The following SYNDIG1 variants were observed in gnomAD, a reference collection of about 807,000 sequenced individuals.
The protein encoded by SYNDIG1 is synapse differentiation inducing 1, also known as synapse differentiation-inducing gene protein 1.
SYNDIG1 carries 9 observed loss-of-function variants against 19.4 expected under a neutral mutation model. That is an observed-to-expected ratio of 0.46 (90% confidence interval 0.28 to 0.81). The LOEUF is 0.81. Ranked by LOEUF, SYNDIG1 falls within the 30% of genes least tolerant of loss-of-function variation. The pLI, the probability that SYNDIG1 is intolerant of heterozygous loss-of-function variation, is 0.12. For synonymous variants in SYNDIG1, 141 were observed against 145.9 expected, an observed-to-expected ratio of 0.97 and a Z score of 0.24; for missense variants, 311 against 343.3, an observed-to-expected ratio of 0.91 and a Z score of 0.74.
chr20:24,649,217 G>A lies in SYNDIG1; in HGVS notation c.619-16129G>A, dbSNP rs540127589. ...CAGGGTGCCCTACAGCTGAAGGGGAGCCACCTGGAAGTAACAGTTCTGCTT... is the reference window on the plus strand; with the variant it reads ...CAGGGTGCCCTACAGCTGAAGGGGAACCACCTGGAAGTAACAGTTCTGCTT... On this transcript the variant is annotated intron_variant, in intron 3 of 3. Transcript: ENST00000376862. Among the ~76,000 whole-genome samples, 12 of 152,330 alleles carry A rather than the reference G, an allele frequency of 7.9e-5. No individual in the cohort carries two copies. The East Asian group carries it at 2.3e-3, about 29-fold the overall frequency.
chr20:24,492,261 T>C (rs1471965119), intron 1 of SYNDIG1, among the ~76,000 whole-genome samples: 1 of 152,184 alleles, frequency 6.6e-6, no homozygotes, highest in Non-Finnish European at 1.5e-5. Context: ...CTCTGCCAAG[T>C]AGCCACAGTG....
intron 2 of SYNDIG1, among the ~76,000 whole-genome samples, chr20:24,574,754 A>C (rs1340267668): frequency 6.6e-6 from 1 of 152,212 alleles, no homozygotes; most frequent in East Asian, 1.9e-4. Flanking sequence ...ATAAAACCTG[A>C]AGTCCAGTGT....
chr20:24,517,450 C>T (rs1300374615), intron 1 of SYNDIG1, among the ~76,000 whole-genome samples: 2 of 149,926 alleles, frequency 1.3e-5, no homozygotes, highest in African/African-American at 2.4e-5. Flanking sequence ...CCCATCTCTA[C>T]TAAAAATACA....
intron 1 of SYNDIG1, among the ~76,000 whole-genome samples, chr20:24,479,129 G>T (rs1463293741): frequency 6.6e-6 from 1 of 152,192 alleles, no homozygotes; most frequent in Non-Finnish European, 1.5e-5. Context: ...ATAAGACTAA[G>T]TTGGTGCCTA....
chr20:24,655,063 G>C (rs2059511466), intron 3 of SYNDIG1, among the ~76,000 whole-genome samples: 1 of 152,174 alleles, frequency 6.6e-6, no homozygotes, highest in Non-Finnish European at 1.5e-5. Context: ...AAGGCCTGGG[G>C]TCTAGGAAAC....
chr20:24,578,475 G>GA (rs1158652648), intron 2 of SYNDIG1, among the ~76,000 whole-genome samples: 4 of 150,084 alleles, frequency 2.7e-5, no homozygotes, highest in East Asian at 2.0e-4. Context: ...AAAAAGAAAA[G>GA]AAAAAAAAAG....
chr20:24,553,328 G>C (rs1298389653), intron 2 of SYNDIG1, among the ~76,000 whole-genome samples: 1 of 152,132 alleles, frequency 6.6e-6, no homozygotes, highest in Non-Finnish European at 1.5e-5. Context: ...GATCCCATTT[G>C]TCAATTTTGG....
intron 2 of SYNDIG1, among the ~76,000 whole-genome samples, chr20:24,552,099 C>A (rs991154589): frequency 6.6e-6 from 1 of 152,046 alleles, no homozygotes; most frequent in African/African-American, 2.4e-5. Context: ...CTATTTCTTT[C>A]TTTTATTTTG....
intron 3 of SYNDIG1, among the ~76,000 whole-genome samples, chr20:24,620,130 T>C (rs1317184099): frequency 6.6e-6 from 1 of 152,214 alleles, no homozygotes; most frequent in Non-Finnish European, 1.5e-5. Flanking sequence ...TAAAGGAAAG[T>C]ATTTTATACA....
intron 3 of SYNDIG1, among the ~76,000 whole-genome samples, chr20:24,608,459 G>A (rs1314106549): frequency 4.6e-5 from 7 of 152,068 alleles, no homozygotes; most frequent in African/African-American, 7.2e-5. Context: ...GATTACAAGC[G>A]TGAGTCACCG....
At chr20:24,604,287 C>T (rs565276066) in intron 3 of SYNDIG1, among the ~76,000 whole-genome samples, 10 of 152,164 alleles carry the variant, frequency 6.6e-5, no homozygotes, top group South Asian at 6.2e-4. Context: ...GTTAAGGTAA[C>T]GCTGAGACCT....
At chr20:24,611,754 C>T (rs2058852151) in intron 3 of SYNDIG1, among the ~76,000 whole-genome samples, 1 of 152,218 alleles carries the variant, frequency 6.6e-6, no homozygotes, top group South Asian at 2.1e-4. Context: ...TGCAGCATGG[C>T]TCTGCTGTTC....
chr20:24,619,569 A>T (rs2059005119), intron 3 of SYNDIG1, among the ~76,000 whole-genome samples: 1 of 152,236 alleles, frequency 6.6e-6, no homozygotes, highest in South Asian at 2.1e-4. Context: ...TGTGACATAA[A>T]CAAGAGCATG....
chr20:24,624,331 G>A (rs1215790198), intron 3 of SYNDIG1, among the ~76,000 whole-genome samples: 3 of 151,562 alleles, frequency 2.0e-5, no homozygotes, highest in African/African-American at 7.3e-5. Flanking sequence ...AGATACAGAT[G>A]TGTTAAAATT....
chr20:24,510,212 T>C (rs778709660), intron 1 of SYNDIG1, among the ~76,000 whole-genome samples: 1 of 152,168 alleles, frequency 6.6e-6, no homozygotes. Flanking sequence ...CCTAATGCAC[T>C]TTCTGTTGCT....
intron 1 of SYNDIG1, among the ~76,000 whole-genome samples, chr20:24,503,956 G>GTTTTTTTTTT (rs777270289): frequency 8.0e-6 from 1 of 125,292 alleles, no homozygotes; most frequent in African/African-American, 3.3e-5. Context: ...GGGAGAGCAG[G>GTTTTTTTTTT]TTTTTTTTTT....
intron 1 of SYNDIG1, among the ~76,000 whole-genome samples, chr20:24,534,969 G>A (rs2057333725): frequency 6.6e-6 from 1 of 152,226 alleles, no homozygotes; most frequent in African/African-American, 2.4e-5. Flanking sequence ...CCCAGCTGGA[G>A]TATTATTTTG....
rs377069008 is a variant in SYNDIG1 at position 24,652,304 on chromosome 20, C to G, written c.619-13042C>G. ...CCAAAGACACGCCTGTCCCTAGTCT[C>G]TGCTCAAAATTCTCTTCCTCCTGGA... is the stretch of plus-strand genomic sequence containing the variant. On this transcript the variant is annotated intron_variant, in intron 3 of 3. Coordinates refer to ENST00000376862, the MANE Select transcript of SYNDIG1 (RefSeq NM_024893.3). 1.1e-4 allele frequency among the ~76,000 whole-genome samples: 16 copies of G among 152,344 alleles called. No homozygotes were observed. In the East Asian group the frequency reaches 1.9e-3, roughly 18 times the overall value.
intron 2 of SYNDIG1, among the ~76,000 whole-genome samples, chr20:24,567,050 T>C (rs2058056704): frequency 6.6e-6 from 1 of 152,192 alleles, no homozygotes. Flanking sequence ...ACACCTGCCC[T>C]CTTCTTGTTG....
Sources: gnomAD v4.1 joint callset for allele counts (sites outside exome capture counted in the v4.1 genomes callset) on GRCh38, gnomAD v4.1.1 for gene constraint, MANE v1.5 for transcripts, NCBI Gene and HGNC (gene_info 2026-07-23, HGNC 2026-07-21) for gene names.